Variants in EXPH5 observed in about 807,000 individuals in gnomAD.
EXPH5 encodes exophilin-5.
In EXPH5, 42 loss-of-function variants were observed where a neutral mutation model predicts 41.1. The ratio of observed to expected loss-of-function variants is 1.02; its 90% CI spans 0.80 to 1.32. The LOEUF (loss-of-function observed/expected upper bound fraction) is 1.32, where lower values mean the gene tolerates loss of function less well. EXPH5 is among the 40% of genes most tolerant of loss of function. The pLI is 0.00. For synonymous variants in EXPH5, 798 were observed against 833.5 expected (o/e 0.96, Z 0.73); for missense variants, 2,298 against 2,314.5 (o/e 0.99, Z 0.15).
At chr11:108,599,858 T>C in the EXPH5 span, among the ~76,000 whole-genome samples, 2 of 152,230 alleles carry the variant, frequency 1.3e-5, no homozygotes, top group African/African-American at 4.8e-5. Flanking sequence ...CAGGCTTTAA[T>C]AACTACTGTC....
intron 4 of EXPH5, among the ~76,000 whole-genome samples, chr11:108,523,249 T>A (rs1052325444): frequency 6.6e-6 from 1 of 152,140 alleles, no homozygotes; most frequent in Non-Finnish European, 1.5e-5. Flanking sequence ...TCTTACTGAA[T>A]CCTTATAACA....
intron 4 of EXPH5, among the ~76,000 whole-genome samples, chr11:108,518,953 C>T (rs1385763407): frequency 6.6e-6 from 1 of 152,168 alleles, no homozygotes. Context: ...GGAAGTTACT[C>T]TATATGGGCT....
intron 1 of EXPH5, among the ~76,000 whole-genome samples, chr11:108,562,500 T>C (rs545351847): frequency 1.4e-5 from 2 of 146,912 alleles, no homozygotes; most frequent in Admixed American, 7.3e-5. Context: ...TCCCAGCTAC[T>C]AGAGAGGCTG....
At chr11:108,527,779 A>G (rs963712233) in intron 4 of EXPH5, among the ~76,000 whole-genome samples, 1 of 152,202 alleles carries the variant, frequency 6.6e-6, no homozygotes, top group Admixed American at 6.5e-5. Flanking sequence ...ACACTCAGAA[A>G]GGATCTGGTG....
chr11:108,550,938 C>G (rs1273456190), intron 1 of EXPH5, among the ~76,000 whole-genome samples: 2 of 152,140 alleles, frequency 1.3e-5, no homozygotes, highest in Non-Finnish European at 2.9e-5. Flanking sequence ...TACATCACAT[C>G]CAAATCATTG....
chr11:108,542,158 G>A (rs1162782000), intron 1 of EXPH5, among the ~76,000 whole-genome samples: 3 of 152,136 alleles, frequency 2.0e-5, no homozygotes, highest in East Asian at 1.9e-4. Context: ...GGGATTACAG[G>A]AGTGAGCCAC....
In EXPH5 at chr11:108,514,479, T is replaced by C; in HGVS notation, c.1028A>G (p.His343Arg). 17 of 1,612,998 alleles carry C rather than the reference T, an allele frequency of 1.1e-5. No individual in the cohort carries two copies. Among genetic ancestry groups the C allele is most frequent in the Non-Finnish European group, 1.4e-5 (17 of 1,179,554 alleles). ...ATGHFTARSL[H>R]FPATTQSKSG... is the part of the protein sequence containing the mutation. Reference sequence around the variant, plus strand: ...CTTGCTCTGAGTTGTGGCTGGAAAATGTAAGCTTCTTGCTGTGAAATGCCC... The same window carrying C: ...CTTGCTCTGAGTTGTGGCTGGAAAACGTAAGCTTCTTGCTGTGAAATGCCC... Residue 343 changes from histidine to arginine, a missense_variant, in exon 6 of 6, where the codon CAT (histidine) becomes CGT (arginine). By Grantham distance (29) the His-to-Arg change is conservative (BLOSUM62 0). Coordinates refer to ENST00000265843, the MANE Select transcript of EXPH5 (RefSeq NM_015065.3).
chr11:108,509,593 T>C lies in EXPH5; in HGVS notation c.5914A>G (p.Thr1972Ala), dbSNP rs368111392. Reference sequence around the variant, plus strand: ...AGGTAGTATTCATCATCTGTGGTTGTGTCTGTGTCACAATCTGAGTCCACT... The same window carrying C: ...AGGTAGTATTCATCATCTGTGGTTGCGTCTGTGTCACAATCTGAGTCCACT... Reference protein sequence around the residue: ...DPVDSDCDTDTTTDDEYYLDE... With the variant: ...DPVDSDCDTDATTDDEYYLDE... The change falls in exon 6 of 6, where the codon ACA becomes GCA. Residue 1972 changes from threonine (T) to alanine (A), a missense_variant. Physicochemically the swap from Thr to Ala is moderately conservative, Grantham distance 58. Transcript: ENST00000265843. 1.3e-4 allele frequency: 207 copies of C among 1,600,034 alleles called. 1 individual carries two copies. Among genetic ancestry groups the C allele is most frequent in the Non-Finnish European group, 1.7e-4 (202 of 1,175,482 alleles).
the EXPH5 span, among the ~76,000 whole-genome samples, chr11:108,603,705 A>G: frequency 6.6e-6 from 1 of 152,222 alleles, no homozygotes; most frequent in African/African-American, 2.4e-5. Context: ...ATTAAGCCAA[A>G]GAGGCTGTAA....
At chr11:108,515,981 A>G (rs2093723255) in intron 5 of EXPH5, among the ~76,000 whole-genome samples, 1 of 150,318 alleles carries the variant, frequency 6.7e-6, no homozygotes, top group Non-Finnish European at 1.5e-5. Context: ...CTGAGGCAGG[A>G]GAATGGCGTG....
chr11:108,548,712 C>A (rs1271484103), intron 1 of EXPH5, among the ~76,000 whole-genome samples: 3 of 152,104 alleles, frequency 2.0e-5, no homozygotes, highest in Admixed American at 1.3e-4. Flanking sequence ...TCTTCTTAAC[C>A]CTACACACCC....
At chr11:108,580,804 C>G (rs1247604518) in intron 1 of EXPH5, among the ~76,000 whole-genome samples, 2 of 152,040 alleles carry the variant, frequency 1.3e-5, no homozygotes, top group East Asian at 1.9e-4. Context: ...ACCAAGAACA[C>G]AAAGCTAAAC....
chr11:108,556,123 C>T (rs909665294), intron 1 of EXPH5, among the ~76,000 whole-genome samples: 4 of 152,170 alleles, frequency 2.6e-5, no homozygotes, highest in Non-Finnish European at 5.9e-5. Flanking sequence ...TGGGTTTTTA[C>T]AAGATAGCTT....
At chr11:108,562,018 G>T (rs566695111) in intron 1 of EXPH5, among the ~76,000 whole-genome samples, 1 of 152,270 alleles carries the variant, frequency 6.6e-6, no homozygotes, top group African/African-American at 2.4e-5. Context: ...AGGACTGGCC[G>T]TGCAGGGTTG....
At position 108,505,880 on chromosome 11, in the gene EXPH5, C is replaced by T. The variant is rs2093642007; in HGVS notation, c.*3657G>A. ...CATATTTACCTCCTACACAAAGTAG[C>T]TGTTATTAGCTTATCACCAACCAAA... is the stretch of plus-strand genomic sequence containing the variant. On this transcript the variant is annotated 3_prime_UTR_variant, in exon 6 of 6. Coordinates refer to ENST00000265843, the MANE Select transcript of EXPH5 (RefSeq NM_015065.3). The T allele has an allele frequency of 6.6e-6, 1 of 152,174 alleles. No individual in the cohort carries two copies. The highest frequency in any genetic ancestry group is 2.1e-4 in the South Asian group (1 of 4,830). The allele number at this position is 152,174 out of a possible 1,614,324, so 9.4% of individuals were successfully genotyped here.
At chr11:108,560,515 A>G (rs1471882003) in intron 1 of EXPH5, among the ~76,000 whole-genome samples, 1 of 152,222 alleles carries the variant, frequency 6.6e-6, no homozygotes, top group Non-Finnish European at 1.5e-5. Flanking sequence ...AAGGGCTTTA[A>G]CTTTGAGCAT....
rs755880369 is a variant in EXPH5 at position 108,510,500 on chromosome 11, G to A, written c.5007C>T (p.Ser1669=). The A allele has an allele frequency of 5.6e-6, 9 of 1,614,040 alleles. No homozygotes were observed. Among genetic ancestry groups the A allele is most frequent in the Admixed American group, 3.3e-5 (2 of 59,932 alleles). The change falls in exon 6 of 6, where the codon TCC becomes TCT. Residue 1669 remains serine (S), a synonymous_variant. Transcript: ENST00000265843. ...GTACAGTAATGGGGAGAAGGTTCTC[G>A]GATTTCTTCACATGCTTTCCGTTCT... ...LSENGKHVKK[S]ENLLPITVLP... is the part of the protein sequence containing the mutation.
intron 5 of EXPH5, among the ~76,000 whole-genome samples, chr11:108,515,172 T>C (rs1006221884): frequency 6.6e-6 from 1 of 152,238 alleles, no homozygotes; most frequent in African/African-American, 2.4e-5. Context: ...TCATGTTTTT[T>C]TTTAGTGCAT....
chr11:108,561,276 A>G (rs1228521778), intron 1 of EXPH5, among the ~76,000 whole-genome samples: 1 of 152,246 alleles, frequency 6.6e-6, no homozygotes. Flanking sequence ...TTTAAAAGAC[A>G]TCAACTATTT....
Sources: allele counts gnomAD v4.1 joint callset (sites outside exome capture counted in the v4.1 genomes callset), GRCh38; gene constraint gnomAD v4.1.1; transcripts MANE v1.5; gene names NCBI Gene and HGNC (gene_info 2026-07-23, HGNC 2026-07-21).